Variants in CWF19L2 observed in about 807,000 individuals in gnomAD.
The protein encoded by CWF19L2 is CWF19-like protein 2.
CWF19L2 carries 98 observed loss-of-function variants against 111.7 expected under a neutral mutation model. The ratio of observed to expected loss-of-function variants is 0.88; its 90% CI spans 0.75 to 1.04. CWF19L2 has a LOEUF of 1.04. Ranked by LOEUF, CWF19L2 falls within the 50% of genes least tolerant of loss-of-function variation. CWF19L2 has a pLI of 0.00. For missense variants in CWF19L2, 1,101 were observed against 1,051.4 expected (o/e 1.05, Z -0.65); for synonymous variants, 351 against 342.9 (o/e 1.02, Z -0.26).
At chr11:107,388,165 G>A (rs1860797994) in intron 12 of CWF19L2, among the ~76,000 whole-genome samples, 1 of 152,022 alleles carries the variant, frequency 6.6e-6, no homozygotes, top group Non-Finnish European at 1.5e-5. Flanking sequence ...AAATATCATC[G>A]CAGCTCCTTC....
chr11:107,373,003 G>C (rs1481251647), intron 12 of CWF19L2, among the ~76,000 whole-genome samples: 2 of 44,604 alleles, frequency 4.5e-5, no homozygotes, highest in Non-Finnish European at 8.5e-5. Flanking sequence ...GTCAAAGAAA[G>C]GGGTGACGGA....
chr11:107,335,529 G>A (rs1859909787), intron 15 of CWF19L2, among the ~76,000 whole-genome samples: 1 of 152,108 alleles, frequency 6.6e-6, no homozygotes, highest in Non-Finnish European at 1.5e-5. Context: ...GCAACTCAAT[G>A]CTTTTATTTA....
chr11:107,433,442 T>G (rs1861493077), intron 7 of CWF19L2, among the ~76,000 whole-genome samples, 192 bp downstream of exon 7: 1 of 152,154 alleles, frequency 6.6e-6, no homozygotes, highest in Non-Finnish European at 1.5e-5. Flanking sequence ...TTTATATACT[T>G]AAGCTTTACA....
Position 107,336,620 on chromosome 11 carries a change from T to C in CWF19L2, c.2296A>G (p.Met766Val), listed in dbSNP as rs199528550. 80 of 1,607,420 alleles carry C rather than the reference T, an allele frequency of 5.0e-5. No individual in the cohort carries two copies. Among genetic ancestry groups the C allele is most frequent in the Non-Finnish European group, 4.8e-5 (56 of 1,176,772 alleles). The change falls in exon 15 of 18, where the codon ATG (methionine) becomes GTG (valine). Residue 766 changes from methionine to valine, a missense_variant. By Grantham distance (21) the Met-to-Val change is conservative. Transcript: ENST00000282251. ...TNMSMKKQYH[M>V]VYECIPLPKE... ...GGAAGAGGAATACATTCATAAACCA[T>C]GTGATACTGTTTCTTCATGCTCATA... is the stretch of plus-strand genomic sequence containing the variant.
At chr11:107,395,106 C>G (rs546185618) in intron 10 of CWF19L2, among the ~76,000 whole-genome samples, 1 of 152,180 alleles carries the variant, frequency 6.6e-6, no homozygotes, top group Non-Finnish European at 1.5e-5. Flanking sequence ...ATAATTTCCA[C>G]GTGTTGTAGG....
At chr11:107,401,195 A>G (rs1375636709) in intron 10 of CWF19L2, among the ~76,000 whole-genome samples, 2 of 152,216 alleles carry the variant, frequency 1.3e-5, no homozygotes, top group African/African-American at 4.8e-5. Flanking sequence ...TCTTCAACAC[A>G]GTACTGGAAG....
chr11:107,332,213 T>C (rs575873056), intron 16 of CWF19L2, among the ~76,000 whole-genome samples: 1 of 152,312 alleles, frequency 6.6e-6, no homozygotes, highest in South Asian at 2.1e-4. Context: ...GCTATAGTTA[T>C]CACAAAATTA....
chr11:107,350,674 T>C (rs758583253), intron 13 of CWF19L2, among the ~76,000 whole-genome samples: 37 of 151,882 alleles, frequency 2.4e-4, no homozygotes, highest in Admixed American at 9.2e-4. Flanking sequence ...AAAGAAGAAA[T>C]ACAAATAAAC....
intron 10 of CWF19L2, among the ~76,000 whole-genome samples, chr11:107,415,613 C>T (rs190103210): frequency 1.2e-4 from 18 of 152,274 alleles, no homozygotes; most frequent in Non-Finnish European, 2.1e-4. Context: ...CAGTTTGACT[C>T]ATACAGAAGC....
intron 16 of CWF19L2, among the ~76,000 whole-genome samples, chr11:107,333,106 A>G (rs1307624234): frequency 6.6e-6 from 1 of 152,042 alleles, no homozygotes; most frequent in Non-Finnish European, 1.5e-5. Flanking sequence ...AAAAAAGGTA[A>G]AAGGGATCTC....
intron 10 of CWF19L2, among the ~76,000 whole-genome samples, chr11:107,402,876 TATATATA>T (rs1861025401): frequency 6.1e-5 from 3 of 49,066 alleles, no homozygotes; most frequent in Non-Finnish European, 4.3e-5. Context: ...GTGGTGTGTA[TATATATA>T]TATATATATA....
At chr11:107,440,715 G>C (rs768832606) in intron 5 of CWF19L2, among the ~76,000 whole-genome samples, 1 of 152,034 alleles carries the variant, frequency 6.6e-6, no homozygotes, top group Non-Finnish European at 1.5e-5. Context: ...CTATAAATCA[G>C]TTAGAAAAAG....
chr11:107,425,216 A>AC (rs67730038), intron 8 of CWF19L2, among the ~76,000 whole-genome samples: 8 of 151,026 alleles, frequency 5.3e-5, no homozygotes, highest in South Asian at 2.1e-4. Flanking sequence ...ACACACACAC[A>AC]AAGAGGTTGA....
At chr11:107,361,894 G>A (rs1198614683) in intron 12 of CWF19L2, among the ~76,000 whole-genome samples, 1 of 152,170 alleles carries the variant, frequency 6.6e-6, no homozygotes, top group East Asian at 1.9e-4. Context: ...GGTGATTTGT[G>A]CATTTCCATC....
chr11:107,452,549 T>C (rs952075386), intron 3 of CWF19L2, among the ~76,000 whole-genome samples: 13 of 152,142 alleles, frequency 8.5e-5, no homozygotes, highest in African/African-American at 4.8e-5. Context: ...TTCCTTCCAA[T>C]AGGGAAAATT....
intron 3 of CWF19L2, among the ~76,000 whole-genome samples, chr11:107,443,605 C>T (rs889660807): frequency 1.3e-5 from 2 of 151,908 alleles, no homozygotes; most frequent in African/African-American, 4.8e-5. Flanking sequence ...GGCAAAAAAA[C>T]AAAAATGGGA....
chr11:107,349,858 G>GA (rs1384304420), intron 13 of CWF19L2, among the ~76,000 whole-genome samples: 2 of 151,830 alleles, frequency 1.3e-5, no homozygotes, highest in African/African-American at 4.8e-5. Context: ...ACATGTTCAT[G>GA]AAAAAAAGAA....
At chr11:107,454,959 T>C (rs989414086) in intron 2 of CWF19L2, among the ~76,000 whole-genome samples, 5 of 152,104 alleles carry the variant, frequency 3.3e-5, no homozygotes, top group African/African-American at 1.2e-4. Flanking sequence ...ACAAGACTAT[T>C]AGGCCATAAA....
At chr11:107,413,798 G>A (rs1861189868) in intron 10 of CWF19L2, among the ~76,000 whole-genome samples, 1 of 152,154 alleles carries the variant, frequency 6.6e-6, no homozygotes, top group African/African-American at 2.4e-5. Context: ...TCTAAGTCAT[G>A]AATGATGTTA....
Sources: allele counts gnomAD v4.1 joint callset (sites outside exome capture counted in the v4.1 genomes callset), GRCh38; gene constraint gnomAD v4.1.1; transcripts MANE v1.5; gene names NCBI Gene and HGNC (gene_info 2026-07-23, HGNC 2026-07-21).